Variants in VEZT observed in about 807,000 individuals in gnomAD.
VEZT encodes the protein vezatin, adherens junctions transmembrane protein.
A neutral mutation model predicts 79.9 loss-of-function variants in VEZT; 39 were observed. That is an observed-to-expected ratio of 0.49 (90% CI 0.38 to 0.64). VEZT has a LOEUF of 0.64. Among genes scored for constraint, VEZT ranks in the 30% least tolerant of loss-of-function variants. The pLI is 0.00. For synonymous variants in VEZT, 325 were observed against 327.6 expected, an observed-to-expected ratio of 0.99 and a Z score of 0.09; for missense variants, 837 against 893.1, an observed-to-expected ratio of 0.94 and a Z score of 0.80.
intron 1 of VEZT, among the ~76,000 whole-genome samples, chr12:95,227,697 A>G (rs921423765): frequency 1.3e-5 from 2 of 151,978 alleles, no homozygotes; most frequent in Non-Finnish European, 2.9e-5. Context: ...GGTTCAAGTG[A>G]TTGTTCTGCC....
chr12:95,226,204 G>A (rs2058462775), intron 1 of VEZT, among the ~76,000 whole-genome samples: 1 of 151,832 alleles, frequency 6.6e-6, no homozygotes. Context: ...ACACCTACTT[G>A]GGGAAACCCT....
At chr12:95,257,551 G>C (rs1434706160) in intron 3 of VEZT, among the ~76,000 whole-genome samples, 1 of 152,180 alleles carries the variant, frequency 6.6e-6, no homozygotes, top group African/African-American at 2.4e-5. Context: ...TCATTAGTGG[G>C]ATCAATTCAA....
At position 95,282,191 on chromosome 12, in the gene VEZT, A is replaced by G. The variant is rs943091864; in HGVS notation, c.997-122A>G. 14 of 845,462 alleles carry G rather than the reference A, an allele frequency of 1.7e-5. No homozygotes were observed. The African/African-American group carries it at 1.7e-4, about 10-fold the overall frequency. The allele number at this position is 845,462 out of a possible 1,614,324, so 52.4% of individuals were successfully genotyped here. A position where few individuals can be genotyped will look rare whatever the true frequency, so the allele number is the denominator to read the frequency against. The stretch of plus-strand genomic sequence containing the variant: ...CTTAAGGTAGTTTAAGTTCGGCTAT[A>G]TTTATTATTTAGGATAAAGTGCAAA... On this transcript the variant is annotated intron_variant, in intron 7 of 11. Transcript: ENST00000436874.
At chr12:95,229,885 T>C (rs2058996975) in intron 1 of VEZT, among the ~76,000 whole-genome samples, 1 of 151,800 alleles carries the variant, frequency 6.6e-6, no homozygotes. Flanking sequence ...GGGTCAGGAG[T>C]TCGAGATCAG....
Position 95,300,209 on chromosome 12 carries a change from A to T in VEZT, c.1876A>T (p.Ser626Cys). 6.4e-7 allele frequency: 1 copy of T among 1,556,070 alleles called. No homozygotes were observed. The highest frequency in any genetic ancestry group is 1.2e-5 in the South Asian group (1 of 83,958). ...TCCTGTAGACCCAGTGGAACCCATA[A>T]GTAATTCAGAACCATCAATGAATTC... ...LSPVDPVEPI[S>C]NSEPSMNSDM... Residue 626 changes from serine (S) to cysteine (C), a missense_variant, in exon 12 of 12, where the codon AGT (serine) becomes TGT (cysteine). Ser to Cys is a moderately radical substitution (Grantham distance 112). Coordinates refer to ENST00000436874, the MANE Select transcript of VEZT (RefSeq NM_017599.4).
At chr12:95,260,098 CTTTTTTTTT>C (rs56756447) in intron 3 of VEZT, among the ~76,000 whole-genome samples, 14 of 68,530 alleles carry the variant, frequency 2.0e-4, no homozygotes, top group Non-Finnish European at 3.6e-4. Context: ...TGGTTGATCA[CTTTTTTTTT>C]TTTTTTTTTT....
Position 95,300,844 on chromosome 12 carries a change from A to G in VEZT, c.*171A>G. On this transcript the variant is annotated 3_prime_UTR_variant, in exon 12 of 12. Transcript: ENST00000436874. ...GATCTGAAATTAGTAGTTACCTGTA[A>G]ATGGCAGATCTTTTAGGAAAATAAG... 1.2e-6 allele frequency: 1 copy of G among 843,696 alleles called. No individual in the cohort carries two copies. Among genetic ancestry groups the G allele is most frequent in the Non-Finnish European group, 1.6e-6 (1 of 620,578 alleles). The allele number at this position is 843,696 out of a possible 1,614,324, so 52.3% of individuals were successfully genotyped here.
At chr12:95,245,412 A>C (rs1019393817) in intron 1 of VEZT, 1 of 436,460 alleles carries the variant, frequency 2.3e-6, no homozygotes, top group East Asian at 7.0e-5. Flanking sequence ...AGAGCACTCA[A>C]TATTTCCTTG....
intron 9 of VEZT, 80 bp from the exon 10 acceptor site, chr12:95,294,192 G>A (rs1317833285): frequency 2.5e-6 from 3 of 1,211,808 alleles, no homozygotes; most frequent in African/African-American, 1.5e-5. Flanking sequence ...TGGCCCCAAG[G>A]GTGTTTTTAA....
rs533433193 is a variant in VEZT, at chr12:95,224,892, T to G, written c.36+7006T>G. Reference sequence around the variant, plus strand: ...TCCACCTGAGATCATCAGGCATTAGTTAGATTCTCATAAGGAGCTCACAAC... The same window carrying G: ...TCCACCTGAGATCATCAGGCATTAGGTAGATTCTCATAAGGAGCTCACAAC... On this transcript the variant is annotated intron_variant, in intron 1 of 11. Transcript: ENST00000436874. Among the ~76,000 whole-genome samples the G allele has an allele frequency of 4.3e-4, 65 of 152,318 alleles. 1 individual carries two copies. Among genetic ancestry groups the G allele is most frequent in the Admixed American group, 1.4e-3 (21 of 15,298 alleles).
chr12:95,269,504 G>A (rs2066191187), intron 5 of VEZT, among the ~76,000 whole-genome samples: 1 of 152,092 alleles, frequency 6.6e-6, no homozygotes, highest in Admixed American at 6.6e-5. Context: ...TTTTATGAAT[G>A]TACAGAATGT....
chr12:95,258,164 A>G, intron 3 of VEZT: 1 of 435,462 alleles, frequency 2.3e-6, no homozygotes, highest in South Asian at 1.6e-5. Context: ...TTCTTTGTTC[A>G]GGGTTTCATC....
chr12:95,274,632 C>G, intron 6 of VEZT, 110 bp from the exon 7 acceptor site: 1 of 1,201,900 alleles, frequency 8.3e-7, no homozygotes, highest in Non-Finnish European at 1.1e-6. Context: ...TGTAAACCTC[C>G]TCATCCAAAA....
chr12:95,232,374 A>G (rs1311817873), intron 1 of VEZT, among the ~76,000 whole-genome samples: 2 of 152,162 alleles, frequency 1.3e-5, no homozygotes, highest in African/African-American at 2.4e-5. Flanking sequence ...TTCCAGAGAA[A>G]TTACAAGTTG....
At chr12:95,235,084 G>T (rs879564796) in intron 1 of VEZT, among the ~76,000 whole-genome samples, 149 of 151,792 alleles carry the variant, frequency 9.8e-4, no homozygotes, top group Non-Finnish European at 1.8e-3. Context: ...GCAACCATCC[G>T]ATTTCTCAAT....
chr12:95,230,534 C>A (rs2059128829), intron 1 of VEZT, among the ~76,000 whole-genome samples: 1 of 150,740 alleles, frequency 6.6e-6, no homozygotes, highest in East Asian at 1.9e-4. Flanking sequence ...CCTCTCCTCT[C>A]ACCTCATCCT....
At chr12:95,233,583 G>A (rs2136954862) in intron 1 of VEZT, among the ~76,000 whole-genome samples, 1 of 151,890 alleles carries the variant, frequency 6.6e-6, no homozygotes, top group East Asian at 1.9e-4. Flanking sequence ...TGTATTTTTA[G>A]TACACACAAG....
At chr12:95,293,950 G>A (rs1479630272) in intron 9 of VEZT, 1 of 239,608 alleles carries the variant, frequency 4.2e-6, no homozygotes, top group Non-Finnish European at 8.3e-6. Flanking sequence ...GTGCAGTGGT[G>A]TGATCACTGC....
intron 3 of VEZT, among the ~76,000 whole-genome samples, chr12:95,261,435 G>A (rs1055725484): frequency 1.3e-5 from 2 of 151,492 alleles, no homozygotes; most frequent in African/African-American, 4.8e-5. Context: ...TTTTTGAGAC[G>A]GAATCTTGCT....
Sources: gnomAD v4.1 joint callset for allele counts (sites outside exome capture counted in the v4.1 genomes callset) on GRCh38, gnomAD v4.1.1 for gene constraint, MANE v1.5 for transcripts, NCBI Gene and HGNC (gene_info 2026-07-23, HGNC 2026-07-21) for gene names.